RNF17: variants seen among roughly 807,000 people sequenced by gnomAD.
RNF17 encodes ring finger protein 17, also known as spermatogenesis associated 23.
In RNF17, 31 loss-of-function variants were observed where a neutral mutation model predicts 200.5. The ratio of observed to expected loss-of-function variants is 0.15; its 90% CI spans 0.12 to 0.21. The LOEUF is 0.21. Among genes scored for constraint, RNF17 ranks in the 10% least tolerant of loss-of-function variants. The pLI, the probability that RNF17 is intolerant of heterozygous loss-of-function variation, is 1.00. For synonymous variants in RNF17, 606 were observed against 637.8 expected, an observed-to-expected ratio of 0.95 and a Z score of 0.75; for missense variants, 1,628 against 1,905.1, an observed-to-expected ratio of 0.85 and a Z score of 2.71.
In RNF17 at chr13:24,838,566, T is replaced by TA. The variant is rs548535705; in HGVS notation, c.2483-3469dup. Among the ~76,000 whole-genome samples, 37 of 151,462 alleles carry TA rather than the reference T, an allele frequency of 2.4e-4. No homozygotes were observed. The East Asian group carries it at 4.5e-3, about 18-fold the overall frequency. ...AATGTGATACACCACATAAACAGAA[T>TA]AAAAAATCACATGATCTCAATAGAT... On this transcript the variant is annotated intron_variant, in intron 18 of 35. Coordinates refer to ENST00000255324, the MANE Select transcript of RNF17 (RefSeq NM_031277.3).
intron 25 of RNF17, among the ~76,000 whole-genome samples, chr13:24,857,610 A>G (rs1892656768): frequency 6.6e-6 from 1 of 152,212 alleles, no homozygotes; most frequent in African/African-American, 2.4e-5. Context: ...CTCTATGAAA[A>G]AAGAATACAG....
intron 16 of RNF17, among the ~76,000 whole-genome samples, chr13:24,828,073 A>G (rs577452251): frequency 8.8e-4 from 134 of 152,308 alleles, no homozygotes; most frequent in Middle Eastern, 3.4e-3. Flanking sequence ...AGTTTCGTAA[A>G]TATCTTTGGA....
chr13:24,785,521 T>A (rs952119837), intron 6 of RNF17, among the ~76,000 whole-genome samples: 1 of 152,244 alleles, frequency 6.6e-6, no homozygotes, highest in Non-Finnish European at 1.5e-5. Context: ...TAACATATGT[T>A]CTGTCTCAAA....
chr13:24,847,078 A>G (rs911878788), intron 22 of RNF17, among the ~76,000 whole-genome samples: 3 of 151,778 alleles, frequency 2.0e-5, no homozygotes, highest in African/African-American at 7.3e-5. Flanking sequence ...TTTGTATCTC[A>G]TCTGCAAGGA....
intron 18 of RNF17, among the ~76,000 whole-genome samples, chr13:24,839,939 A>G (rs555004960): frequency 1.3e-5 from 2 of 152,336 alleles, no homozygotes; most frequent in South Asian, 4.1e-4. Context: ...AGCAGAGTAA[A>G]CAGACAACCC....
At chr13:24,794,339 T>G (rs535191405) in intron 10 of RNF17, 2 of 378,642 alleles carry the variant, frequency 5.3e-6, no homozygotes, top group African/African-American at 2.2e-5. Context: ...TAAAGTGAAT[T>G]TCACTGATAA....
In RNF17 at chr13:24,769,714, C is replaced by A. The variant is rs151271163; in HGVS notation, c.225+2348C>A. 3.0e-3 allele frequency among the ~76,000 whole-genome samples: 462 copies of A among 152,256 alleles called. 1 individual carries two copies. The highest frequency in any genetic ancestry group is 7.7e-3 in the Admixed American group (117 of 15,284). ...TACTCTAAAAAGTAAGATTTAGATT[C>A]CTGTATTCACGTTAGACTTATAATT... On this transcript the variant is annotated intron_variant, in intron 2 of 35. Coordinates refer to ENST00000255324, the MANE Select transcript of RNF17 (RefSeq NM_031277.3).
intron 34 of RNF17, among the ~76,000 whole-genome samples, chr13:24,877,447 C>T (rs1024765854): frequency 6.6e-6 from 1 of 151,948 alleles, no homozygotes; most frequent in African/African-American, 2.4e-5. Flanking sequence ...ATAAAATGCT[C>T]AAGATGAGTA....
intron 22 of RNF17, among the ~76,000 whole-genome samples, chr13:24,846,547 G>T (rs1302858785): frequency 6.6e-6 from 1 of 152,170 alleles, no homozygotes; most frequent in Admixed American, 6.5e-5. Flanking sequence ...TTATTGCTTT[G>T]ATATGCTACC....
intron 15 of RNF17, among the ~76,000 whole-genome samples, chr13:24,808,623 G>A (rs1277580827): frequency 9.9e-6 from 1 of 101,252 alleles, no homozygotes; most frequent in East Asian, 2.6e-4. Context: ...TTTCCTAATT[G>A]AATACCCTTT....
At chr13:24,756,163 T>C in the RNF17 span, among the ~76,000 whole-genome samples, 1 of 152,228 alleles carries the variant, frequency 6.6e-6, no homozygotes. Flanking sequence ...TAAAGTCACA[T>C]GTAAATATCT....
chr13:24,785,000 C>G (rs958040504), intron 6 of RNF17, among the ~76,000 whole-genome samples: 28 of 152,132 alleles, frequency 1.8e-4, no homozygotes, highest in Middle Eastern at 3.2e-3. Flanking sequence ...AGCCATCACG[C>G]CTGGCCTGAT....
intron 13 of RNF17, 136 bp from the exon 14 acceptor site, chr13:24,802,245 G>C: frequency 1.5e-6 from 1 of 675,704 alleles, no homozygotes; most frequent in African/African-American, 1.9e-5. Context: ...CGGCTGCCCT[G>C]GCTGTTTCCT....
intron 20 of RNF17, among the ~76,000 whole-genome samples, chr13:24,844,281 G>T (rs1891000747): frequency 6.6e-6 from 1 of 152,154 alleles, no homozygotes; most frequent in African/African-American, 2.4e-5. Flanking sequence ...CTAGTAGAGG[G>T]AGAGAGAGTG....
intron 18 of RNF17, among the ~76,000 whole-genome samples, chr13:24,839,651 A>C (rs1473252381): frequency 4.6e-5 from 7 of 152,214 alleles, no homozygotes; most frequent in Admixed American, 4.6e-4. Context: ...CTTTTCAACA[A>C]ATGGTGCTGG....
intron 19 of RNF17, among the ~76,000 whole-genome samples, chr13:24,843,482 C>T (rs918136046): frequency 5.3e-5 from 8 of 152,034 alleles, no homozygotes; most frequent in African/African-American, 1.9e-4. Context: ...CACATCACTG[C>T]ACTTCAGCCT....
At chr13:24,883,947 C>CATA, downstream of RNF17, 1 of 1,614,048 alleles carries the variant, frequency 6.2e-7, no homozygotes, top group Admixed American at 1.7e-5. Context: ...TTTCTGTGAA[C>CATA]ATAATGTTGC....
At chr13:24,749,471 C>T in the RNF17 span, among the ~76,000 whole-genome samples, 2 of 152,000 alleles carry the variant, frequency 1.3e-5, no homozygotes, top group South Asian at 4.2e-4. Flanking sequence ...ATCCAGCTGG[C>T]CTAGAACTTT....
At chr13:24,850,270 T>C in intron 22 of RNF17, 71 bp from the exon 23 acceptor site, 3 of 922,936 alleles carry the variant, frequency 3.3e-6, no homozygotes, top group Admixed American at 2.0e-5. Flanking sequence ...TGTGTAAATA[T>C]AGTGTTTTTT....
Sources: gnomAD v4.1 joint callset for allele counts (sites outside exome capture counted in the v4.1 genomes callset) on GRCh38, gnomAD v4.1.1 for gene constraint, MANE v1.5 for transcripts, NCBI Gene and HGNC (gene_info 2026-07-23, HGNC 2026-07-21) for gene names.